ZC2HC1B: variants seen among roughly 807,000 people sequenced by gnomAD.
The protein encoded by ZC2HC1B is zinc finger C2HC-type containing 1B, also known as zinc finger C2HC domain-containing protein 1B.
A neutral mutation model predicts 31.0 loss-of-function variants in ZC2HC1B; 36 were observed. That is an observed-to-expected ratio of 1.16 (90% CI 0.89 to 1.54). ZC2HC1B has a LOEUF of 1.54. Among genes scored for constraint, ZC2HC1B ranks in the 40% most tolerant of loss-of-function variants. The probability of loss-of-function intolerance (pLI) is 0.00; values close to 1 mark genes in which losing one functional copy is unlikely to be tolerated. For synonymous variants in ZC2HC1B, 73 were observed against 88.0 expected (o/e 0.83, Z 0.95); for missense variants, 260 against 268.6 (o/e 0.97, Z 0.22).
intron 6 of ZC2HC1B, among the ~76,000 whole-genome samples, chr6:143,904,609 C>A (rs903875057): frequency 2.0e-5 from 3 of 152,090 alleles, no homozygotes; most frequent in Non-Finnish European, 2.9e-5. Flanking sequence ...TTAGTGAAGT[C>A]CAATTTGTCT....
Position 143,887,076 on chromosome 6 carries a change from AG to A in ZC2HC1B, c.349+256del, listed in dbSNP as rs1210486258. 1.3e-5 allele frequency among the ~76,000 whole-genome samples: 2 copies of A among 152,326 alleles called. No individual in the cohort carries two copies. The highest frequency in any genetic ancestry group is 3.9e-4 in the East Asian group (2 of 5,188). On this transcript the variant is annotated intron_variant, in intron 4 of 7. Transcript: ENST00000237275. The surrounding 1 kb of genome is among the most constrained non-coding windows in gnomAD (Gnocchi z 5.1). ...CTCCAAGAAACACCAGACACCTCTTAGCCGATAGGTATGGAGCTATGCAGAG... is the reference window on the plus strand; with the variant it reads ...CTCCAAGAAACACCAGACACCTCTTACCGATAGGTATGGAGCTATGCAGAG...
chr6:143,920,134 T>C (rs1777971138), intron 6 of ZC2HC1B, among the ~76,000 whole-genome samples: 1 of 152,158 alleles, frequency 6.6e-6, no homozygotes, highest in South Asian at 2.1e-4. Flanking sequence ...TTCTTTTTTT[T>C]ATTTTCCAGA....
rs755709087 is a variant in ZC2HC1B, at chr6:143,887,483, CTTGATAT to C, written c.349+663_349+669del. The stretch of plus-strand genomic sequence containing the variant: ...GCATAATCACAATACTATTATCACA[CTTGATAT>C]ATATTAATATGTTTTCCCAATTAGC... On this transcript the variant is annotated intron_variant, in intron 4 of 7. Transcript: ENST00000237275. This position sits in a 1 kb window ranked among gnomAD's most constrained non-coding sequence, Gnocchi z 5.1. Among the ~76,000 whole-genome samples, 1 of 152,104 alleles carries C rather than the reference CTTGATAT, an allele frequency of 6.6e-6. No homozygotes were observed. Among genetic ancestry groups the C allele is most frequent in the Non-Finnish European group, 1.5e-5 (1 of 68,008 alleles).
intron 7 of ZC2HC1B, 73 bp downstream of exon 7, chr6:143,937,806 G>C (rs1778196154): frequency 3.5e-6 from 4 of 1,132,094 alleles, no homozygotes; most frequent in African/African-American, 1.6e-5. Flanking sequence ...TGGATGCATA[G>C]TAAGCAAACT....
chr6:143,906,227 C>T (rs1777793487), intron 6 of ZC2HC1B, among the ~76,000 whole-genome samples: 1 of 152,190 alleles, frequency 6.6e-6, no homozygotes, highest in Middle Eastern at 3.4e-3. Context: ...TCAGTCTATT[C>T]AAATATTCTA....
At position 143,865,690 on chromosome 6, in the gene ZC2HC1B, A is replaced by G. The variant is rs759306339; in HGVS notation, c.28+1123A>G. Among the ~76,000 whole-genome samples, 29 of 150,584 alleles carry G rather than the reference A, an allele frequency of 1.9e-4. No homozygotes were observed. Among genetic ancestry groups the G allele is most frequent in the Non-Finnish European group, 3.7e-4 (25 of 67,846 alleles). On this transcript the variant is annotated intron_variant, in intron 1 of 7. Coordinates refer to ENST00000237275, the MANE Select transcript of ZC2HC1B (RefSeq NM_001013623.3). This position sits in a 1 kb window ranked among gnomAD's most constrained non-coding sequence, Gnocchi z 4.4. ...AAGTAGTGTATGAATGAATGGATAG[A>G]TGGGAAAGATTTCAGAAAAGAATTA...
rs1777780210 is a variant in ZC2HC1B at position 143,905,250 on chromosome 6, G to A, written c.598+2098G>A. On this transcript the variant is annotated intron_variant, in intron 6 of 7. Coordinates refer to ENST00000237275, the MANE Select transcript of ZC2HC1B (RefSeq NM_001013623.3). The surrounding 1 kb of genome is among the most constrained non-coding windows in gnomAD (Gnocchi z 4.2). Reference sequence around the variant, plus strand: ...GTCCTCTTTAATTTCTTTCAGCAATGTTTTGTAGTTTTCATTGTACAAATC... The same window carrying A: ...GTCCTCTTTAATTTCTTTCAGCAATATTTTGTAGTTTTCATTGTACAAATC... 6.6e-6 allele frequency among the ~76,000 whole-genome samples: 1 copy of A among 152,162 alleles called. No homozygotes were observed. Among genetic ancestry groups the A allele is most frequent in the African/African-American group, 2.4e-5 (1 of 41,454 alleles).
intron 4 of ZC2HC1B, 50 bp from the exon 5 acceptor site, chr6:143,898,502 T>C (rs1009844149): frequency 6.5e-7 from 1 of 1,537,608 alleles, no homozygotes; most frequent in South Asian, 1.2e-5. Context: ...TAGTATTCTA[T>C]AGTTGTTTTT....
rs1223338887 is a variant in ZC2HC1B, at chr6:143,868,001, T to C, written c.28+3434T>C. The stretch of plus-strand genomic sequence containing the variant: ...TCTGGAAATATATTCTACTCTTATG[T>C]TGGATTGACAGCTTGACTGAATATA... On this transcript the variant is annotated intron_variant, in intron 1 of 7. Transcript: ENST00000237275. The surrounding 1 kb of genome is among the most constrained non-coding windows in gnomAD (Gnocchi z 4.2). Among the ~76,000 whole-genome samples, 1 of 152,226 alleles carries C rather than the reference T, an allele frequency of 6.6e-6. No individual in the cohort carries two copies. Among genetic ancestry groups the C allele is most frequent in the Non-Finnish European group, 1.5e-5 (1 of 68,044 alleles).
rs943661270 is a variant in ZC2HC1B at position 143,872,828 on chromosome 6, C to T, written c.28+8261C>T. ...CCATTTAGTTATCTTCCTCTGGGTC[C>T]CTCCCACAACACACAAGAATTCTGG... On this transcript the variant is annotated intron_variant, in intron 1 of 7. Transcript: ENST00000237275. The surrounding 1 kb of genome is among the most constrained non-coding windows in gnomAD (Gnocchi z 5.5). Among the ~76,000 whole-genome samples the T allele has an allele frequency of 6.6e-6, 1 of 152,076 alleles. No homozygotes were observed. The highest frequency in any genetic ancestry group is 1.9e-4 in the East Asian group (1 of 5,186).
intron 4 of ZC2HC1B, among the ~76,000 whole-genome samples, chr6:143,894,949 A>G: frequency 6.6e-6 from 1 of 152,168 alleles, no homozygotes; most frequent in East Asian, 1.9e-4. Flanking sequence ...TCCTCACCAA[A>G]TGTTCAATTT....
At chr6:143,891,458 T>C (rs796249421) in intron 4 of ZC2HC1B, among the ~76,000 whole-genome samples, 2 of 151,930 alleles carry the variant, frequency 1.3e-5, no homozygotes, top group South Asian at 2.1e-4. Context: ...CCCAGCACTT[T>C]GGGAGGCCGA....
chr6:143,864,581 G>A lies in ZC2HC1B; in HGVS notation c.28+14G>A, dbSNP rs894594585. The A allele has an allele frequency of 4.5e-6, 7 of 1,551,414 alleles. No individual in the cohort carries two copies. Among genetic ancestry groups the A allele is most frequent in the Non-Finnish European group, 5.2e-6 (6 of 1,146,898 alleles). On this transcript the variant is annotated intron_variant, in intron 1 of 7. Transcript: ENST00000237275. ...CATTTTTGGCAGGTGAGCTGCACTT[G>A]ATATCTAAATTATTAGAAAATGCCT...
Position 143,903,036 on chromosome 6 carries a change from C to G in ZC2HC1B, c.490-8C>G. 1 of 1,551,464 alleles carries G rather than the reference C, an allele frequency of 6.4e-7. No individual in the cohort carries two copies. The highest frequency in any genetic ancestry group is 8.7e-7 in the Non-Finnish European group (1 of 1,146,800). On this transcript the variant is annotated splice_polypyrimidine_tract_variant and splice_region_variant and intron_variant, in intron 5 of 7. Transcript: ENST00000237275. This position sits in a 1 kb window ranked among gnomAD's most constrained non-coding sequence, Gnocchi z 4.3. ...GTTCTCTTTGTCTCTTTCTTTCTCT[C>G]TCTGTAGGGTAGGGCTCAGATGGGT... is the stretch of plus-strand genomic sequence containing the variant.
intron 4 of ZC2HC1B, among the ~76,000 whole-genome samples, chr6:143,893,374 G>A (rs899269809): frequency 4.6e-5 from 7 of 152,040 alleles, no homozygotes; most frequent in South Asian, 2.1e-4. Context: ...AGACCAGCCC[G>A]GCCAACATGG....
rs1778143162 is a variant in ZC2HC1B, at chr6:143,933,332, T to C, written c.599-4317T>C. ...CCAGCTGCAATAGTAGAGGGGGATATAAGCTTGCTCTAATTTGGCCAGGAC... is the reference window on the plus strand; with the variant it reads ...CCAGCTGCAATAGTAGAGGGGGATACAAGCTTGCTCTAATTTGGCCAGGAC... On this transcript the variant is annotated intron_variant, in intron 6 of 7. Transcript: ENST00000237275. The surrounding 1 kb of genome is among the most constrained non-coding windows in gnomAD (Gnocchi z 6.4). 6.6e-6 allele frequency among the ~76,000 whole-genome samples: 1 copy of C among 152,160 alleles called. No individual in the cohort carries two copies. Among genetic ancestry groups the C allele is most frequent in the South Asian group, 2.1e-4 (1 of 4,828 alleles).
intron 6 of ZC2HC1B, among the ~76,000 whole-genome samples, chr6:143,916,604 G>T (rs183159287): frequency 1.3e-5 from 2 of 152,226 alleles, no homozygotes; most frequent in Non-Finnish European, 2.9e-5. Context: ...AGCCCCAGGG[G>T]TGGAGCTACC....
At chr6:143,891,087 C>T (rs1346113370) in intron 4 of ZC2HC1B, among the ~76,000 whole-genome samples, 1 of 146,332 alleles carries the variant, frequency 6.8e-6, no homozygotes, top group Non-Finnish European at 1.5e-5. Flanking sequence ...GCTGAGATCG[C>T]ACCACTGCAG....
At chr6:143,910,422 T>A (rs1282836619) in intron 6 of ZC2HC1B, among the ~76,000 whole-genome samples, 2 of 152,348 alleles carry the variant, frequency 1.3e-5, no homozygotes, top group East Asian at 1.9e-4. Context: ...CATGTGGCAA[T>A]GAGAAGAATG....
Sources: gnomAD v4.1 joint callset for allele counts (sites outside exome capture counted in the v4.1 genomes callset) on GRCh38, gnomAD v4.1.1 for gene constraint, Gnocchi (gnomAD v3.1) non-coding constraint, MANE v1.5 for transcripts, NCBI Gene and HGNC (gene_info 2026-07-23, HGNC 2026-07-21) for gene names.